PDE10A: variants seen among roughly 807,000 people sequenced by gnomAD.
PDE10A encodes cAMP and cAMP-inhibited cGMP 3',5'-cyclic phosphodiesterase 10A.
A neutral mutation model predicts 97.7 loss-of-function variants in PDE10A; 39 were observed. That is an observed-to-expected ratio of 0.40 (90% CI 0.31 to 0.52). The LOEUF (loss-of-function observed/expected upper bound fraction) is 0.52. PDE10A is among the 20% of genes least tolerant of loss of function. The pLI is 0.56. For missense variants in PDE10A, 731 were observed against 1,047.8 expected, an observed-to-expected ratio of 0.70 and a Z score of 4.17; for synonymous variants, 371 against 376.8, an observed-to-expected ratio of 0.98 and a Z score of 0.18.
chr6:165,419,410 A>C (rs1788542389), intron 10 of PDE10A, among the ~76,000 whole-genome samples: 1 of 152,202 alleles, frequency 6.6e-6, no homozygotes. Context: ...TCCTCACAAT[A>C]ACAATATTAA....
At position 165,739,428 on chromosome 6, in the gene PDE10A, A is replaced by G. The variant is rs533069797; in HGVS notation, c.-614-195860T>C. ...CAATAAATGGTGTCAGGAAAGCTGG[A>G]TATTCACAGCCAAAAGAATGAAATT... On this transcript the variant is annotated intron_variant, in intron 1 of 19. Transcript: ENST00000366882. Among the ~76,000 whole-genome samples, 5 of 152,372 alleles carry G rather than the reference A, an allele frequency of 3.3e-5. No homozygotes were observed. The South Asian group carries it at 6.2e-4, about 19-fold the overall frequency.
chr6:165,961,667 C>A (rs1250406436), intron 1 of PDE10A, among the ~76,000 whole-genome samples: 3 of 152,240 alleles, frequency 2.0e-5, no homozygotes, highest in Non-Finnish European at 2.9e-5. Context: ...CCCCTCCAAA[C>A]TTCTGCCTCT....
At chr6:165,956,893 C>T (rs1350720210) in intron 1 of PDE10A, among the ~76,000 whole-genome samples, 1 of 152,202 alleles carries the variant, frequency 6.6e-6, no homozygotes, top group Non-Finnish European at 1.5e-5. Context: ...CTATTGACTG[C>T]ATGGGCCACT....
intron 1 of PDE10A, among the ~76,000 whole-genome samples, chr6:165,804,495 A>G (rs530678345): frequency 3.9e-5 from 6 of 152,250 alleles, no homozygotes; most frequent in East Asian, 1.9e-4. Flanking sequence ...AGAGAGACCA[A>G]TTAGAAGGTG....
chr6:165,571,543 A>G (rs113038735), intron 1 of PDE10A, among the ~76,000 whole-genome samples: 3 of 152,216 alleles, frequency 2.0e-5, no homozygotes, highest in Non-Finnish European at 4.4e-5. Flanking sequence ...AGAGTTCCTA[A>G]GACAGTTTTC....
chr6:165,492,640 T>C (rs1004531909), intron 2 of PDE10A, among the ~76,000 whole-genome samples: 1 of 152,026 alleles, frequency 6.6e-6, no homozygotes, highest in African/African-American at 2.4e-5. Context: ...AAATCCAGCA[T>C]CCCATTATGA....
intron 1 of PDE10A, among the ~76,000 whole-genome samples, chr6:165,739,973 G>A (rs1399635703): frequency 6.6e-6 from 1 of 152,158 alleles, no homozygotes; most frequent in Non-Finnish European, 1.5e-5. Context: ...TATTGGCAAG[G>A]ATGTGGGAAA....
At chr6:165,504,741 C>G (rs758333203) in intron 2 of PDE10A, among the ~76,000 whole-genome samples, 3 of 151,916 alleles carry the variant, frequency 2.0e-5, no homozygotes, top group Non-Finnish European at 2.9e-5. Context: ...TAATAATAAC[C>G]TAATATATTA....
At position 165,832,268 on chromosome 6, in the gene PDE10A, C is replaced by T. The variant is rs543257472; in HGVS notation, c.-615+155261G>A. Among the ~76,000 whole-genome samples the T allele has an allele frequency of 1.3e-4, 20 of 151,898 alleles. 1 individual carries two copies. The South Asian group carries it at 4.0e-3, about 30-fold the overall frequency. ...GGGAGACAGAAGTGGTGGTGGGAGG[C>T]GGAGAGGAACGTTCTGGAGGAAGGA... is the stretch of plus-strand genomic sequence containing the variant. On this transcript the variant is annotated intron_variant, in intron 1 of 19. Coordinates refer to the PDE10A transcript ENST00000366882.
intron 4 of PDE10A, among the ~76,000 whole-genome samples, chr6:165,449,351 CA>C (rs1791112491): frequency 6.6e-6 from 1 of 151,866 alleles, no homozygotes. Flanking sequence ...ATTAAATAAC[CA>C]AAGTAAGTAT....
At chr6:165,525,719 G>T (rs1403414720) in intron 2 of PDE10A, among the ~76,000 whole-genome samples, 1 of 152,190 alleles carries the variant, frequency 6.6e-6, no homozygotes, top group East Asian at 1.9e-4. Context: ...ATCCCAAGGT[G>T]GCAGGGGCCA....
intron 1 of PDE10A, among the ~76,000 whole-genome samples, chr6:165,694,570 G>A (rs766412538): frequency 9.9e-5 from 15 of 152,226 alleles, no homozygotes; most frequent in East Asian, 1.9e-4. Context: ...TCGGGAGACC[G>A]GGACTCCCCC....
intron 18 of PDE10A, among the ~76,000 whole-genome samples, chr6:165,360,388 T>C (rs543221674): frequency 1.3e-5 from 2 of 152,194 alleles, no homozygotes; most frequent in Non-Finnish European, 2.9e-5. Flanking sequence ...GGCTCTGCTT[T>C]CGTTCCACTG....
intron 5 of PDE10A, among the ~76,000 whole-genome samples, chr6:165,443,996 C>T (rs79716957): frequency 1.5e-4 from 23 of 152,260 alleles, no homozygotes; most frequent in African/African-American, 4.1e-4. Flanking sequence ...CACAGAAAAT[C>T]GGTTTGTCCT....
chr6:165,762,295 A>G (rs1319614615), intron 1 of PDE10A, among the ~76,000 whole-genome samples: 1 of 152,218 alleles, frequency 6.6e-6, no homozygotes, highest in Non-Finnish European at 1.5e-5. Context: ...CTTTGCCTTC[A>G]GCACCTTATT....
At chr6:165,380,904 T>G (rs1180810764) in intron 17 of PDE10A, among the ~76,000 whole-genome samples, 2 of 152,268 alleles carry the variant, frequency 1.3e-5, no homozygotes, top group Non-Finnish European at 2.9e-5. Context: ...CAACACTGAA[T>G]GCCTGTCACC....
intron 18 of PDE10A, among the ~76,000 whole-genome samples, chr6:165,372,536 T>C (rs1282780790): frequency 1.5e-4 from 22 of 145,094 alleles, no homozygotes; most frequent in Non-Finnish European, 9.0e-5. Flanking sequence ...GTGAAGGACC[T>C]CTTCAAGGAG....
At chr6:165,941,037 A>G (rs1385205651) in intron 1 of PDE10A, among the ~76,000 whole-genome samples, 1 of 151,080 alleles carries the variant, frequency 6.6e-6, no homozygotes, top group Non-Finnish European at 1.5e-5. Flanking sequence ...AGGGGAGGCA[A>G]TACAGCGAGA....
At chr6:165,790,399 A>C (rs532927186) in intron 1 of PDE10A, among the ~76,000 whole-genome samples, 2 of 152,316 alleles carry the variant, frequency 1.3e-5, no homozygotes, top group South Asian at 4.1e-4. Context: ...CTGTTTGCAC[A>C]CTTCTCTGGG....
Sources: allele counts gnomAD v4.1 joint callset (sites outside exome capture counted in the v4.1 genomes callset), GRCh38; gene constraint gnomAD v4.1.1; transcripts MANE v1.5; gene names NCBI Gene and HGNC (gene_info 2026-07-23, HGNC 2026-07-21).